PPP3CA: variants seen among roughly 807,000 people sequenced by gnomAD.
PPP3CA encodes CAM-PRP catalytic subunit.
PPP3CA carries 14 observed loss-of-function variants against 66.5 expected under a neutral mutation model. The observed-to-expected ratio is 0.21, with a 90% CI of 0.14 to 0.33. PPP3CA has a LOEUF of 0.33. Ranked by LOEUF, PPP3CA falls within the 10% of genes least tolerant of loss-of-function variation. The pLI is 1.00. For synonymous variants in PPP3CA, 232 were observed against 226.2 expected (o/e 1.03, Z -0.23); for missense variants, 317 against 639.5 (o/e 0.50, Z 5.44).
chr4:101,344,376 T>C (rs995190917), intron 1 of PPP3CA, among the ~76,000 whole-genome samples: 1 of 152,200 alleles, frequency 6.6e-6, no homozygotes, highest in Non-Finnish European at 1.5e-5. Context: ...CAACCTTGTA[T>C]AATGCCTTTC....
At chr4:101,199,920 T>C (rs1257724495) in intron 1 of PPP3CA, among the ~76,000 whole-genome samples, 3 of 152,182 alleles carry the variant, frequency 2.0e-5, no homozygotes, top group Admixed American at 6.5e-5. Flanking sequence ...CAGTTATACA[T>C]TTACCAGAGA....
chr4:101,284,599 T>C (rs1456594188), intron 1 of PPP3CA, among the ~76,000 whole-genome samples: 1 of 152,076 alleles, frequency 6.6e-6, no homozygotes, highest in Non-Finnish European at 1.5e-5. Context: ...GAAGTTTAAA[T>C]ATTTATTTAC....
At chr4:101,201,048 A>G (rs1361639475) in intron 1 of PPP3CA, among the ~76,000 whole-genome samples, 1 of 152,242 alleles carries the variant, frequency 6.6e-6, no homozygotes, top group African/African-American at 2.4e-5. Context: ...AGTTAAATAT[A>G]ACATTCATAT....
chr4:101,058,553 G>T (rs1016677005), intron 10 of PPP3CA, among the ~76,000 whole-genome samples: 2 of 151,936 alleles, frequency 1.3e-5, no homozygotes, highest in Non-Finnish European at 2.9e-5. Flanking sequence ...TGCTTAGAAA[G>T]AAAAAAATTC....
intron 1 of PPP3CA, among the ~76,000 whole-genome samples, chr4:101,249,370 G>A (rs1726599624): frequency 6.6e-6 from 1 of 151,690 alleles, no homozygotes; most frequent in Non-Finnish European, 1.5e-5. Context: ...TTAAAACAAT[G>A]CCTTTGGTAT....
intron 10 of PPP3CA, 87 bp from the exon 11 acceptor site, chr4:101,040,653 G>T: frequency 1.0e-6 from 1 of 981,640 alleles, no homozygotes; most frequent in Non-Finnish European, 1.5e-6. Context: ...ACAGACTCCA[G>T]TAAGCAAAAT....
At chr4:101,141,571 A>G (rs548162307) in intron 2 of PPP3CA, among the ~76,000 whole-genome samples, 33 of 152,166 alleles carry the variant, frequency 2.2e-4, no homozygotes, top group African/African-American at 7.9e-4. Flanking sequence ...CCCCTTAAAC[A>G]TGTCCTCTGC....
chr4:101,176,608 C>T (rs578118668), intron 2 of PPP3CA, among the ~76,000 whole-genome samples: 1 of 152,218 alleles, frequency 6.6e-6, no homozygotes, highest in East Asian at 1.9e-4. Context: ...GAAAATAGCA[C>T]AGAAGAAAAT....
chr4:101,074,230 A>G (rs2695203), intron 8 of PPP3CA, among the ~76,000 whole-genome samples: 91,851 of 152,006 alleles, frequency 0.6, 28,721 homozygotes, highest in East Asian at 0.88. Flanking sequence ...CTGTGGTGGA[A>G]ACAGATATGC....
intron 10 of PPP3CA, among the ~76,000 whole-genome samples, chr4:101,057,887 C>G (rs1050775363): frequency 6.6e-6 from 1 of 152,120 alleles, no homozygotes; most frequent in African/African-American, 2.4e-5. Context: ...CATATGCTGG[C>G]AAAGCCCAAT....
chr4:101,056,825 A>G (rs1393339223), intron 10 of PPP3CA, among the ~76,000 whole-genome samples: 1 of 150,330 alleles, frequency 6.7e-6, no homozygotes, highest in East Asian at 1.9e-4. Context: ...TAAGGTTGGA[A>G]ATAATGTTAC....
chr4:101,221,281 G>A (rs1725615785), intron 1 of PPP3CA, among the ~76,000 whole-genome samples: 1 of 151,528 alleles, frequency 6.6e-6, no homozygotes, highest in South Asian at 2.1e-4. Flanking sequence ...GGACTCACAT[G>A]GAATTATATG....
At chr4:101,031,909 A>ATACTT (rs1379287792) in intron 12 of PPP3CA, among the ~76,000 whole-genome samples, 20 of 152,348 alleles carry the variant, frequency 1.3e-4, no homozygotes, top group Admixed American at 1.2e-3. Context: ...CATAACCAGA[A>ATACTT]TACTTATTAA....
intron 12 of PPP3CA, among the ~76,000 whole-genome samples, chr4:101,030,483 T>C (rs1177747014): frequency 2.0e-5 from 3 of 151,996 alleles, no homozygotes; most frequent in Non-Finnish European, 4.4e-5. Context: ...TTAAAATATA[T>C]AGTAAGTTTT....
chr4:101,194,090 G>A (rs180750964), intron 2 of PPP3CA, among the ~76,000 whole-genome samples: 1 of 152,160 alleles, frequency 6.6e-6, no homozygotes, highest in East Asian at 1.9e-4. Context: ...TAAGTCTCTG[G>A]CTTGACTTAC....
At chr4:101,271,460 A>G (rs1028342464) in intron 1 of PPP3CA, among the ~76,000 whole-genome samples, 2 of 152,178 alleles carry the variant, frequency 1.3e-5, no homozygotes, top group Non-Finnish European at 2.9e-5. Flanking sequence ...CTAATCAGAG[A>G]AAGTAAACAT....
intron 1 of PPP3CA, among the ~76,000 whole-genome samples, chr4:101,295,307 C>CAAAAAAAA (rs527366396): frequency 4.8e-5 from 2 of 42,048 alleles, no homozygotes; most frequent in African/African-American, 1.7e-4. Context: ...GACTCCGTCT[C>CAAAAAAAA]AAAAAAAAAA....
chr4:101,039,100 C>T (rs1472843741), intron 11 of PPP3CA, among the ~76,000 whole-genome samples: 2 of 115,450 alleles, frequency 1.7e-5, no homozygotes, highest in Admixed American at 1.7e-4. Context: ...TTCATATACG[C>T]CTTTGTCCCC....
intron 1 of PPP3CA, among the ~76,000 whole-genome samples, chr4:101,315,290 T>G (rs993631883): frequency 2.6e-5 from 4 of 152,216 alleles, no homozygotes; most frequent in Non-Finnish European, 4.4e-5. Context: ...CTGTGAGAGA[T>G]AAACTGTTGT....
Sources: gnomAD v4.1 joint callset for allele counts (sites outside exome capture counted in the v4.1 genomes callset) on GRCh38, gnomAD v4.1.1 for gene constraint, MANE v1.5 for transcripts, NCBI Gene and HGNC (gene_info 2026-07-23, HGNC 2026-07-21) for gene names.